ZFHX3: variants seen among roughly 807,000 people sequenced by gnomAD.
The protein encoded by ZFHX3 is zinc finger homeobox 3.
In ZFHX3, 42 loss-of-function variants were observed where a neutral mutation model predicts 279.1. The ratio of observed to expected loss-of-function variants is 0.15; its 90% confidence interval spans 0.12 to 0.19. The LOEUF is 0.19. ZFHX3 is among the 10% of genes least tolerant of loss of function. The pLI is 1.00. For missense variants in ZFHX3, 4,981 were observed against 4,754.0 expected (o/e 1.05, Z -1.40); for synonymous variants, 2,293 against 1,957.8 (o/e 1.17, Z -4.52).
intron 1 of ZFHX3, among the ~76,000 whole-genome samples, chr16:73,888,951 CT>C (rs2142422384): frequency 6.8e-6 from 1 of 147,492 alleles, no homozygotes; most frequent in Non-Finnish European, 1.5e-5. Context: ...AGCCCGCATA[CT>C]CTCCAGTGCT....
At chr16:73,177,628 T>C (rs1201291585) in intron 5 of ZFHX3, among the ~76,000 whole-genome samples, 1 of 152,248 alleles carries the variant, frequency 6.6e-6, no homozygotes, top group Non-Finnish European at 1.5e-5. Flanking sequence ...TTCAGGAGTT[T>C]CTGTGTTTCC....
chr16:73,241,512 C>G (rs373695797), intron 5 of ZFHX3, among the ~76,000 whole-genome samples: 36 of 151,238 alleles, frequency 2.4e-4, no homozygotes, highest in African/African-American at 8.3e-4. Context: ...GGTTGGGGGC[C>G]GGGCGCGGTG....
intron 1 of ZFHX3, among the ~76,000 whole-genome samples, chr16:73,728,597 A>G (rs2053541935): frequency 6.6e-6 from 1 of 152,102 alleles, no homozygotes; most frequent in South Asian, 2.1e-4. Context: ...ACTGGTGGCC[A>G]TGTTGTTCAA....
At chr16:73,668,281 C>T (rs908608591) in intron 2 of ZFHX3, among the ~76,000 whole-genome samples, 26 of 152,014 alleles carry the variant, frequency 1.7e-4, no homozygotes, top group African/African-American at 6.3e-4. Context: ...ATGCACATAC[C>T]TCAAGCTGCT....
intron 7 of ZFHX3, among the ~76,000 whole-genome samples, chr16:72,810,863 G>A (rs934582184): frequency 1.3e-4 from 20 of 152,104 alleles, no homozygotes; most frequent in Non-Finnish European, 2.4e-4. Context: ...TGATGGGAAT[G>A]TGTCAAAAAA....
intron 5 of ZFHX3, among the ~76,000 whole-genome samples, chr16:73,234,793 T>C (rs914028466): frequency 1.3e-5 from 2 of 152,232 alleles, no homozygotes; most frequent in African/African-American, 4.8e-5. Flanking sequence ...TTGACCTTGT[T>C]GGGGTAGGAA....
chr16:73,647,030 T>TC (rs989551276), intron 2 of ZFHX3, among the ~76,000 whole-genome samples: 1 of 151,044 alleles, frequency 6.6e-6, no homozygotes, highest in African/African-American at 2.4e-5. Flanking sequence ...TTTTCTTTTT[T>TC]TTTTTTTGAG....
intron 5 of ZFHX3, among the ~76,000 whole-genome samples, chr16:73,242,135 T>G (rs1044983889): frequency 6.6e-6 from 1 of 152,210 alleles, no homozygotes; most frequent in Non-Finnish European, 1.5e-5. Flanking sequence ...TACGGAAGAC[T>G]GGAGTTGAAG....
intron 2 of ZFHX3, among the ~76,000 whole-genome samples, chr16:73,548,491 C>T (rs910420517): frequency 3.3e-5 from 5 of 150,034 alleles, no homozygotes; most frequent in African/African-American, 1.2e-4. Flanking sequence ...AAAAAAAGTG[C>T]AATTATATAA....
chr16:73,412,200 C>T (rs1023920004), intron 3 of ZFHX3, among the ~76,000 whole-genome samples: 2 of 151,902 alleles, frequency 1.3e-5, no homozygotes, highest in African/African-American at 2.4e-5. Flanking sequence ...GTGGCGCACA[C>T]CTGTAATCCC....
chr16:73,474,217 AGCTCACT>A (rs1362391904), intron 2 of ZFHX3, among the ~76,000 whole-genome samples: 1 of 151,928 alleles, frequency 6.6e-6, no homozygotes, highest in Non-Finnish European at 1.5e-5. Flanking sequence ...GCATGATCTC[AGCTCACT>A]GCAACCTCCA....
chr16:73,695,188 T>A (rs991666086), intron 1 of ZFHX3, among the ~76,000 whole-genome samples: 7 of 152,224 alleles, frequency 4.6e-5, no homozygotes, highest in African/African-American at 1.7e-4. Context: ...TCTATACTAT[T>A]TTTTTCTTTG....
At chr16:73,816,096 T>C (rs1321764286) in intron 1 of ZFHX3, 2 of 152,208 alleles carry the variant, frequency 1.3e-5, no homozygotes, top group Non-Finnish European at 2.9e-5. Context: ...AGTAACCAGC[T>C]AGCACAAAAA....
chr16:73,706,120 C>G (rs1276155602), intron 1 of ZFHX3, among the ~76,000 whole-genome samples: 1 of 152,050 alleles, frequency 6.6e-6, no homozygotes, highest in African/African-American at 2.4e-5. Flanking sequence ...GCCTGGACAA[C>G]ATAGTAAGAC....
In ZFHX3 at chr16:73,573,651, T is replaced by G. The variant is rs538104552; in HGVS notation, c.-1547+106529A>C. On this transcript the variant is annotated intron_variant, in intron 2 of 17. Coordinates refer to the ZFHX3 transcript ENST00000641206. ...GTTAACTTTATGATGATGATTTAAT[T>G]TATTAAATTATATTAACCTATGTTA... Among the ~76,000 whole-genome samples the G allele has an allele frequency of 3.3e-5, 5 of 152,326 alleles. No individual in the cohort carries two copies. In the East Asian group the frequency reaches 7.7e-4, roughly 23 times the overall value.
At chr16:73,428,864 C>A (rs995898101) in intron 3 of ZFHX3, among the ~76,000 whole-genome samples, 2 of 152,148 alleles carry the variant, frequency 1.3e-5, no homozygotes, top group Non-Finnish European at 2.9e-5. Context: ...ACTGTCTTCT[C>A]TATTGCGTTC....
chr16:72,998,895 T>C (rs917640396), intron 1 of ZFHX3, among the ~76,000 whole-genome samples: 1 of 152,238 alleles, frequency 6.6e-6, no homozygotes, highest in South Asian at 2.1e-4. Flanking sequence ...CTCTGGGGCT[T>C]GTCCACCATT....
intron 1 of ZFHX3, among the ~76,000 whole-genome samples, chr16:73,768,323 G>T (rs1224088971): frequency 2.6e-5 from 4 of 152,188 alleles, no homozygotes; most frequent in Non-Finnish European, 5.9e-5. Context: ...GGTGAAGAAA[G>T]GATGGGAGCA....
intron 2 of ZFHX3, among the ~76,000 whole-genome samples, chr16:73,495,672 G>T (rs2019129305): frequency 6.6e-6 from 1 of 152,092 alleles, no homozygotes; most frequent in Non-Finnish European, 1.5e-5. Context: ...CCCCTGAAAA[G>T]ACGTTAAGGC....
Sources: allele counts gnomAD v4.1 joint callset (sites outside exome capture counted in the v4.1 genomes callset), GRCh38; gene constraint gnomAD v4.1.1; transcripts MANE v1.5; gene names NCBI Gene and HGNC (gene_info 2026-07-23, HGNC 2026-07-21).